EEF2K: variants seen among roughly 807,000 people sequenced by gnomAD.
EEF2K encodes eukaryotic elongation factor 2 kinase.
A neutral mutation model predicts 93.8 loss-of-function variants in EEF2K; 70 were observed. The ratio of observed to expected loss-of-function variants is 0.75; its 90% CI spans 0.62 to 0.91. The LOEUF (loss-of-function observed/expected upper bound fraction) is 0.91. Among genes scored for constraint, EEF2K ranks in the 40% least tolerant of loss-of-function variants. The probability of loss-of-function intolerance (pLI) is 0.00; values close to 1 mark genes in which losing one functional copy is unlikely to be tolerated. For synonymous variants in EEF2K, 376 were observed against 380.8 expected (o/e 0.99, Z 0.15); for missense variants, 935 against 972.9 (o/e 0.96, Z 0.52).
chr16:22,265,092 GC>G, intron 13 of EEF2K: 1 of 549,352 alleles, frequency 1.8e-6, no homozygotes, highest in Non-Finnish European at 3.3e-6. Flanking sequence ...TTAGAGAAGA[GC>G]AGCTCAGCCC....
chr16:22,264,282 A>C (rs2141678629), intron 12 of EEF2K, among the ~76,000 whole-genome samples: 1 of 114,434 alleles, frequency 8.7e-6, no homozygotes, highest in Admixed American at 1.0e-4. Flanking sequence ...ACAGAGTGAG[A>C]CTGTCTCAAA....
At chr16:22,231,898 G>T (rs920100502) in intron 2 of EEF2K, among the ~76,000 whole-genome samples, 3 of 149,306 alleles carry the variant, frequency 2.0e-5, no homozygotes, top group South Asian at 2.1e-4. Flanking sequence ...GCTGAGCCAG[G>T]AGAATCACTT....
chr16:22,257,808 C>A (rs766402379), intron 9 of EEF2K, 38 bp downstream of exon 9: 10 of 1,604,262 alleles, frequency 6.2e-6, no homozygotes, highest in Non-Finnish European at 8.5e-6. Flanking sequence ...CCTGGCAGGC[C>A]CTTCTGCTAC....
At chr16:22,262,001 CCA>C (rs71151667) in intron 11 of EEF2K, among the ~76,000 whole-genome samples, 7,415 of 137,568 alleles carry the variant, frequency 0.054, 197 homozygotes, top group Middle Eastern at 0.09. Context: ...TGAGACCCTG[CCA>C]CACACACACA....
Position 22,260,454 on chromosome 16 carries a change from C to T in EEF2K, c.1232-8C>T. ...ACCAGGACATGATGTCTGTTTCTCC[C>T]TGCCCAGATTGGCCAGTGTTCAGTG... On this transcript the variant is annotated splice_polypyrimidine_tract_variant and splice_region_variant and intron_variant, in intron 10 of 17. Coordinates refer to ENST00000263026, the MANE Select transcript of EEF2K (RefSeq NM_013302.5). 1.2e-6 allele frequency: 2 copies of T among 1,614,090 alleles called. No individual in the cohort carries two copies. Among genetic ancestry groups the T allele is most frequent in the Non-Finnish European group, 1.7e-6 (2 of 1,180,018 alleles).
chr16:22,278,890 G>A (rs1320936328), intron 16 of EEF2K, among the ~76,000 whole-genome samples: 1 of 152,132 alleles, frequency 6.6e-6, no homozygotes, highest in Non-Finnish European at 1.5e-5. Flanking sequence ...TGGAAGTGGA[G>A]ACTCAACTAT....
In EEF2K at chr16:22,218,340, A is replaced by G. The variant is rs117119327; in HGVS notation, c.-76-7314A>G. ...GTGCTGGGCGTACACTAGTGTGTGCATTGGCCAGCTCGGGGTGCCACGTTA... is the reference window on the plus strand; with the variant it reads ...GTGCTGGGCGTACACTAGTGTGTGCGTTGGCCAGCTCGGGGTGCCACGTTA... On this transcript the variant is annotated intron_variant, in intron 1 of 17. Coordinates refer to ENST00000263026, the MANE Select transcript of EEF2K (RefSeq NM_013302.5). 2.2e-4 allele frequency among the ~76,000 whole-genome samples: 33 copies of G among 152,344 alleles called. No homozygotes were observed. In the East Asian group the frequency reaches 4.8e-3, roughly 22 times the overall value.
intron 11 of EEF2K, among the ~76,000 whole-genome samples, chr16:22,261,294 G>A (rs955115046): frequency 2.0e-5 from 3 of 152,004 alleles, no homozygotes; most frequent in African/African-American, 7.2e-5. Flanking sequence ...AGGATCTCTT[G>A]AGCCTGGGAG....
chr16:22,279,732 T>C (rs529295732), intron 16 of EEF2K, among the ~76,000 whole-genome samples: 3 of 152,246 alleles, frequency 2.0e-5, no homozygotes, highest in East Asian at 3.9e-4. Context: ...CAGTGGCTCA[T>C]GCCTGTAATC....
rs1490884606 is a variant in EEF2K, at chr16:22,225,872, C to T, written c.143C>T (p.Ser48Leu). ...FICPITDDPS[S>L]NQNVNSKVNK... is the part of the protein sequence containing the mutation. ...TGCCCCATCACGGATGACCCAAGCT[C>T]GAACCAGAATGTCAATTCCAAGGTT... is the stretch of plus-strand genomic sequence containing the variant. The change falls in exon 2 of 18, where the codon TCG (serine) becomes TTG (leucine). Residue 48 changes from serine to leucine, a missense_variant. Ser to Leu is a moderately radical substitution (Grantham distance 145). Coordinates refer to ENST00000263026, the MANE Select transcript of EEF2K (RefSeq NM_013302.5). The T allele has an allele frequency of 4.3e-6, 7 of 1,614,054 alleles. No homozygotes were observed. The highest frequency in any genetic ancestry group is 2.2e-5 in the East Asian group (1 of 44,896).
intron 3 of EEF2K, among the ~76,000 whole-genome samples, chr16:22,245,395 G>A (rs183656974): frequency 1.3e-5 from 2 of 152,210 alleles, no homozygotes; most frequent in East Asian, 3.9e-4. Context: ...AACTATACTT[G>A]CCCTGGGCCG....
intron 3 of EEF2K, among the ~76,000 whole-genome samples, chr16:22,246,457 A>G (rs2047292255): frequency 6.9e-6 from 1 of 144,496 alleles, no homozygotes; most frequent in Non-Finnish European, 1.5e-5. Context: ...CAGAGGTTGC[A>G]GTGAGCTGAG....
intron 17 of EEF2K, among the ~76,000 whole-genome samples, chr16:22,282,693 A>T (rs557632413): frequency 6.6e-6 from 1 of 152,256 alleles, no homozygotes; most frequent in Non-Finnish European, 1.5e-5. Context: ...CCTGTGCCAG[A>T]TGCTGGTGCT....
intron 6 of EEF2K, among the ~76,000 whole-genome samples, chr16:22,255,761 T>G (rs2047392667): frequency 6.6e-6 from 1 of 151,618 alleles, no homozygotes; most frequent in Admixed American, 6.6e-5. Context: ...AATTTAGATA[T>G]GAGCCATGTG....
Position 22,284,054 on chromosome 16 carries a change from AAAC to A in EEF2K, c.*71_*73del, listed in dbSNP as rs367584480. 2,303 of 1,396,728 alleles carry A rather than the reference AAAC, an allele frequency of 1.6e-3. 38 individuals are homozygous for A. The South Asian group carries it at 0.027, about 17-fold the overall frequency. The allele number at this position is 1,396,728 out of a possible 1,614,324, so 86.5% of individuals were successfully genotyped here. ...AACGGGCTAGGAGGAAAGATTAAAA[AAAC>A]AACAACAACAACTTATTTAGTTTGG... On this transcript the variant is annotated 3_prime_UTR_variant, in exon 18 of 18. Transcript: ENST00000263026.
At chr16:22,212,270 C>A (rs1380685725) in intron 1 of EEF2K, among the ~76,000 whole-genome samples, 1 of 152,052 alleles carries the variant, frequency 6.6e-6, no homozygotes, top group African/African-American at 2.4e-5. Context: ...GATGACGTAT[C>A]TCTGGCTTCT....
intron 15 of EEF2K, among the ~76,000 whole-genome samples, chr16:22,270,592 T>C (rs886915965): frequency 6.6e-6 from 1 of 152,142 alleles, no homozygotes; most frequent in African/African-American, 2.4e-5. Flanking sequence ...TGTTCTGTTA[T>C]ATGTGTGGGG....
chr16:22,284,200 A>AGG lies in EEF2K; in HGVS notation c.*206_*207dup, dbSNP rs1567294331. ...AGCAGAGACTCTATAGCTGTCTCTT[A>AGG]GGGCAGTATTTTGGGGAAGTGGGGC... On this transcript the variant is annotated 3_prime_UTR_variant, in exon 18 of 18. Coordinates refer to ENST00000263026, the MANE Select transcript of EEF2K (RefSeq NM_013302.5). 2.2e-5 allele frequency: 12 copies of AGG among 551,670 alleles called. No individual in the cohort carries two copies. The highest frequency in any genetic ancestry group is 2.9e-5 in the Non-Finnish European group (9 of 308,806). 34.2% of individuals were successfully genotyped at this position (551,670 alleles called of 1,614,324 possible).
rs200364752 is a variant in EEF2K at position 22,258,709 on chromosome 16, C to A, written c.1231+14C>A. The A allele has an allele frequency of 1.9e-5, 31 of 1,613,906 alleles. No individual in the cohort carries two copies. Among genetic ancestry groups the A allele is most frequent in the Non-Finnish European group, 2.6e-5 (31 of 1,179,998 alleles). On this transcript the variant is annotated intron_variant, in intron 10 of 17. Transcript: ENST00000263026. The stretch of plus-strand genomic sequence containing the variant: ...TAGACCACCTCCGTGAGTGACGGTT[C>A]GGTCCCTAGTCACTGTGATTGGAGG...
Sources: gnomAD v4.1 joint callset for allele counts (sites outside exome capture counted in the v4.1 genomes callset) on GRCh38, gnomAD v4.1.1 for gene constraint, MANE v1.5 for transcripts, NCBI Gene and HGNC (gene_info 2026-07-23, HGNC 2026-07-21) for gene names.